The following ZNF185 variants were observed in gnomAD, a reference collection of about 807,000 sequenced individuals.
The protein encoded by ZNF185 is zinc finger protein 185.
In ZNF185, 56 loss-of-function variants were observed where a neutral mutation model predicts 58.6. That is an observed-to-expected ratio of 0.95 (90% CI 0.77 to 1.19). The LOEUF (loss-of-function observed/expected upper bound fraction) is 1.19. ZNF185 is among the 50% of genes most tolerant of loss of function. The pLI is 0.00. For synonymous variants in ZNF185, 230 were observed against 215.9 expected, an observed-to-expected ratio of 1.07 and a Z score of -0.57; for missense variants, 627 against 573.5, an observed-to-expected ratio of 1.09 and a Z score of -0.95.
chrX:152,922,290 G>T, intron 10 of ZNF185, 34 bp downstream of exon 11: 1 of 1,143,289 alleles, frequency 8.7e-7, no homozygotes, highest in Non-Finnish European at 1.2e-6. Context: ...CCTGGGGCTG[G>T]TGGCTGCCAT....
intron 18 of ZNF185, among the ~76,000 whole-genome samples, chrX:152,964,426 T>C (rs1380482771): frequency 8.9e-6 from 1 of 112,466 alleles, no homozygotes; most frequent in Non-Finnish European, 1.9e-5. Flanking sequence ...CTTATAATCA[T>C]GGTGGAAGCC....
chrX:152,941,858 G>C (rs782115625), intron 15 of ZNF185: 25 of 1,121,170 alleles, frequency 2.2e-5, no homozygotes, highest in Non-Finnish European at 2.9e-5. Flanking sequence ...GGCCAGAGTG[G>C]CTTTGGGGTG....
intron 5 of ZNF185, chrX:152,917,857 G>A (rs929291351): frequency 5.9e-5 from 63 of 1,075,491 alleles, no homozygotes; most frequent in East Asian, 3.4e-4. Context: ...GCAAGAGCCC[G>A]CTGGGCTGTT....
At chrX:152,939,045 G>C (rs1284883142) in intron 15 of ZNF185, among the ~76,000 whole-genome samples, 1 of 111,874 alleles carries the variant, frequency 8.9e-6, no homozygotes, top group Non-Finnish European at 1.9e-5. Context: ...GGCCAGTGAG[G>C]AGGGCCACAG....
chrX:152,931,704 C>A, exon 13 of ZNF185: 1 of 1,210,660 alleles, frequency 8.3e-7, no homozygotes, highest in Non-Finnish European at 1.1e-6. Context: ...AAGGAGGCCC[C>A]CTGCTCCAGA....
At chrX:152,965,370 A>G (rs182263450) in intron 18 of ZNF185, 77 bp from the exon 21 acceptor site, 1 of 988,287 alleles carries the variant, frequency 1.0e-6, no homozygotes, top group Admixed American at 2.6e-5. Context: ...CCCAGCCCTG[A>G]ACCACTCCTG....
rs201016784 is a variant in ZNF185 at position 152,922,203 on chromosome X, T to G, written c.687T>G (p.Ser229=). The G allele has an allele frequency of 3.3e-6, 4 of 1,195,980 alleles. No homozygotes were observed. The African/African-American group carries it at 7.0e-5, about 21-fold the overall frequency. Residue 229 remains serine, a synonymous_variant, in exon 10 of 23, where the codon TCT becomes TCG. Coordinates refer to ENST00000449285, the Ensembl canonical transcript of ZNF185. Reference sequence around the variant, plus strand: ...AGGTGGTGGAAGAGGACGGGCCTTCTGAGAAGAGCCAGGACCCACCTGCTC... The same window carrying G: ...AGGTGGTGGAAGAGGACGGGCCTTCGGAGAAGAGCCAGGACCCACCTGCTC...
At chrX:152,898,890 G>A in the ZNF185 span, among the ~76,000 whole-genome samples, 730 of 112,566 alleles carry the variant, frequency 6.5e-3, 3 homozygotes, top group Non-Finnish European at 9.5e-3. Flanking sequence ...AAGGCAGAGG[G>A]ATACCTTGCC....
At chrX:152,966,263 TC>T (rs1202933506) in intron 19 of ZNF185, among the ~76,000 whole-genome samples, 1 of 111,424 alleles carries the variant, frequency 9.0e-6, no homozygotes, top group Non-Finnish European at 1.9e-5. Context: ...TGCCTCGGCC[TC>T]CCCTTTTCAT....
At chrX:152,902,038 C>G in the ZNF185 span, among the ~76,000 whole-genome samples, 2 of 112,465 alleles carry the variant, frequency 1.8e-5, no homozygotes, top group South Asian at 7.3e-4. Context: ...GGGAGGGTGC[C>G]TGCCTGGAGC....
chrX:152,945,439 G>T, exon 16 of ZNF185: 1 of 1,204,627 alleles, frequency 8.3e-7, no homozygotes, highest in Non-Finnish European at 1.1e-6. Context: ...TGAGCAACTT[G>T]TCAGACGAGA....
intron 15 of ZNF185, chrX:152,941,978 G>A: frequency 1.2e-6 from 1 of 839,160 alleles, no homozygotes; most frequent in Non-Finnish European, 1.6e-6. Context: ...CATGGCCTCT[G>A]GGACACTGGA....
chrX:152,931,847 TC>T, intron 13 of ZNF185, 71 bp downstream of exon 14: 1 of 929,438 alleles, frequency 1.1e-6, no homozygotes, highest in Non-Finnish European at 1.5e-6. Flanking sequence ...CTGAAGGACT[TC>T]CATGGCCTCC....
chrX:152,928,974 G>T (rs1941415204), intron 12 of ZNF185, among the ~76,000 whole-genome samples: 1 of 112,510 alleles, frequency 8.9e-6, no homozygotes, highest in Non-Finnish European at 1.9e-5. Flanking sequence ...CATGAATGAG[G>T]TCAGCCAGAG....
rs868920915 is a variant in ZNF185 at position 152,963,854 on chromosome X, G to A, written c.1623G>A (p.Ser541=). The A allele has an allele frequency of 5.8e-6, 7 of 1,210,419 alleles. No homozygotes were observed. The Middle Eastern group carries it at 9.3e-4, about 160-fold the overall frequency. Residue 541 remains serine (S), a synonymous_variant, in exon 18 of 23, where the codon TCG becomes TCA. Coordinates refer to ENST00000449285, the Ensembl canonical transcript of ZNF185. ...TTTCTTTCAGGGTGAGGAGCCCCTC[G>A]AGCTGCATGGTCACTGTTACTGTCA... is the stretch of plus-strand genomic sequence containing the variant.
chrX:152,938,014 G>T lies in ZNF185; in HGVS notation c.1122-60G>T. ...GTGAGAAGGCAGCCTGGAGGGGGAAGACCTGGGCCCCAGCCTTCTTTGGTC... is the reference window on the plus strand; with the variant it reads ...GTGAGAAGGCAGCCTGGAGGGGGAATACCTGGGCCCCAGCCTTCTTTGGTC... On this transcript the variant is annotated intron_variant, in intron 14 of 22. Coordinates refer to ENST00000449285, the Ensembl canonical transcript of ZNF185. 2.7e-6 allele frequency: 3 copies of T among 1,095,630 alleles called. No individual in the cohort carries two copies. The South Asian group carries it at 6.0e-5, about 22-fold the overall frequency. The allele number at this position is 1,095,630 out of a possible 1,213,427, so 90.3% of individuals were successfully genotyped here. A position where few individuals can be genotyped will look rare whatever the true frequency, so the allele number is the denominator to read the frequency against.
chrX:152,916,837 G>A (rs1398758367), intron 3 of ZNF185, among the ~76,000 whole-genome samples: 2 of 112,822 alleles, frequency 1.8e-5, no homozygotes, highest in East Asian at 5.6e-4. Flanking sequence ...CTGGGAACTG[G>A]CTGGCCAAGG....
At chrX:152,932,782 C>T in intron 13 of ZNF185, 91 bp from the exon 15 acceptor site, 1 of 629,347 alleles carries the variant, frequency 1.6e-6, no homozygotes. Context: ...AAGGCCTGTG[C>T]TTCTGGTCTT....
chrX:152,938,081 GC>G lies in ZNF185; in HGVS notation c.1131del (p.Thr378LeufsTer95), dbSNP rs2046565698. On this transcript the variant is annotated frameshift_variant, in exon 15 of 23. Transcript: ENST00000449285. LOFTEE classifies it high-confidence loss of function. ...CTGTGTTTCCTTCCTCAGCTCCAGT[GC>G]CACTTCAGTCTCTGCTGTCCCTGCT... is the stretch of plus-strand genomic sequence containing the variant. The G allele has an allele frequency of 2.5e-6, 3 of 1,177,672 alleles. No homozygotes were observed. Among genetic ancestry groups the G allele is most frequent in the Non-Finnish European group, 3.4e-6 (3 of 877,995 alleles).
Sources: gnomAD v4.1 joint callset for allele counts (sites outside exome capture counted in the v4.1 genomes callset) on GRCh38, gnomAD v4.1.1 for gene constraint, MANE v1.5 for transcripts, NCBI Gene and HGNC (gene_info 2026-07-23, HGNC 2026-07-21) for gene names.